Variants in SULT2A1 observed in about 807,000 individuals in gnomAD.
The protein encoded by SULT2A1 is sulfotransferase 2A1.
A neutral mutation model predicts 33.9 loss-of-function variants in SULT2A1; 43 were observed. The observed-to-expected ratio is 1.27, with a 90% CI of 1.00 to 1.64. SULT2A1 has a LOEUF of 1.64. Among genes scored for constraint, SULT2A1 ranks in the 40% most tolerant of loss-of-function variants. The pLI is 0.00. For synonymous variants in SULT2A1, 125 were observed against 113.6 expected, an observed-to-expected ratio of 1.10 and a Z score of -0.64; for missense variants, 300 against 335.1, an observed-to-expected ratio of 0.90 and a Z score of 0.82.
Position 47,870,999 on chromosome 19 carries a change from A to G in SULT2A1, c.*456T>C. 1 of 150,416 alleles carries G rather than the reference A, an allele frequency of 6.6e-6. No homozygotes were observed. Among genetic ancestry groups the G allele is most frequent in the Non-Finnish European group, 1.5e-5 (1 of 67,324 alleles). 9.3% of individuals were successfully genotyped at this position (150,416 alleles called of 1,614,324 possible). A position where few individuals can be genotyped will look rare whatever the true frequency, so the allele number is the denominator to read the frequency against. Reference sequence around the variant, plus strand: ...GCTGGGACTATAGGCGTGCACCACCATGCCCGGCTAATTTTTGTATTTTTA... The same window carrying G: ...GCTGGGACTATAGGCGTGCACCACCGTGCCCGGCTAATTTTTGTATTTTTA... On this transcript the variant is annotated 3_prime_UTR_variant, in exon 6 of 6. Transcript: ENST00000222002.
chr19:47,876,231 G>A (rs1190977035), intron 4 of SULT2A1, among the ~76,000 whole-genome samples: 1 of 152,050 alleles, frequency 6.6e-6, no homozygotes, highest in Non-Finnish European at 1.5e-5. Flanking sequence ...GGCCAAGCTG[G>A]GTTCCAACTC....
At chr19:47,878,610 AG>A (rs564361502) in intron 4 of SULT2A1, among the ~76,000 whole-genome samples, 110 of 145,272 alleles carry the variant, frequency 7.6e-4, no homozygotes, top group Admixed American at 2.3e-3. Flanking sequence ...TCCACCTCCC[AG>A]GTTCAAGCGA....
At chr19:47,876,622 T>C (rs1968546395) in intron 4 of SULT2A1, among the ~76,000 whole-genome samples, 1 of 151,810 alleles carries the variant, frequency 6.6e-6, no homozygotes, top group Non-Finnish European at 1.5e-5. Context: ...ATACAAAAAT[T>C]AGCCAGGTGT....
At position 47,886,277 on chromosome 19, in the gene SULT2A1, G is replaced by T; in HGVS notation, c.-20C>A. The T allele has an allele frequency of 6.2e-7, 1 of 1,613,256 alleles. No individual in the cohort carries two copies. ...CGACATGATGATGACCTCTTCCTGC[G>T]TGGTGTGAGGGTTTCAACTGTAGCC... On this transcript the variant is annotated 5_prime_UTR_variant, in exon 1 of 6. Transcript: ENST00000222002.
chr19:47,877,531 T>G (rs1046729697), intron 4 of SULT2A1, among the ~76,000 whole-genome samples: 5 of 151,372 alleles, frequency 3.3e-5, no homozygotes, highest in African/African-American at 1.2e-4. Flanking sequence ...TGAGACACCG[T>G]GCCCAGCCTT....
chr19:47,882,232 A>G, intron 2 of SULT2A1, 22 bp from the exon 3 acceptor site: 1 of 1,604,082 alleles, frequency 6.2e-7, no homozygotes, highest in South Asian at 1.1e-5. Flanking sequence ...AAACGGGAGA[A>G]TGAAAAATCA....
intron 3 of SULT2A1, 47 bp downstream of exon 3, chr19:47,882,037 G>T: frequency 6.2e-7 from 1 of 1,602,370 alleles, no homozygotes; most frequent in Non-Finnish European, 8.5e-7. Flanking sequence ...GTCAAAAGAG[G>T]TCGGCTAGAA....
intron 1 of SULT2A1, among the ~76,000 whole-genome samples, chr19:47,885,376 A>G (rs1227147107): frequency 2.0e-5 from 3 of 151,626 alleles, no homozygotes; most frequent in Non-Finnish European, 2.9e-5. Context: ...TTCATTTAGC[A>G]TAATGTCCTT....
At position 47,871,564 on chromosome 19, in the gene SULT2A1, A is replaced by G. The variant is rs758752472; in HGVS notation, c.749T>C (p.Val250Ala). The G allele has an allele frequency of 6.2e-7, 1 of 1,609,598 alleles. No homozygotes were observed. Among genetic ancestry groups the G allele is most frequent in the Admixed American group, 1.7e-5 (1 of 59,974 alleles). ...VDKAQLLRKG[V>A]SGDWKNHFTV... is the part of the protein sequence containing the mutation. ...GAAGTGATTTTTCCAGTCCCCAGAT[A>G]CACCTGGAAACAAGAAGCAGAAACT... The change falls in exon 6 of 6, where the codon GTA (valine) becomes GCA (alanine). Residue 250 changes from valine to alanine, a missense_variant. Val to Ala is a moderately conservative substitution (Grantham distance 64). Transcript: ENST00000222002.
At chr19:47,880,236 C>CA (rs1302864795) in intron 3 of SULT2A1, among the ~76,000 whole-genome samples, 11,072 of 48,302 alleles carry the variant, frequency 0.23, 1,963 homozygotes, top group Middle Eastern at 0.38. Context: ...GACTCTGTCT[C>CA]AAAAAAAAAA....
chr19:47,873,421 T>A (rs1390555425), intron 5 of SULT2A1, among the ~76,000 whole-genome samples: 1 of 152,036 alleles, frequency 6.6e-6, no homozygotes, highest in Non-Finnish European at 1.5e-5. Context: ...TCCACCCGCC[T>A]TGGCCTCCCA....
chr19:47,885,933 C>T (rs934934168), intron 1 of SULT2A1, among the ~76,000 whole-genome samples, 189 bp downstream of exon 1: 1 of 152,174 alleles, frequency 6.6e-6, no homozygotes, highest in Admixed American at 6.6e-5. Context: ...GATTACCCCT[C>T]TGAACACTCA....
Position 47,886,106 on chromosome 19 carries a change from G to T in SULT2A1, c.136+16C>A. 1.2e-6 allele frequency: 2 copies of T among 1,612,028 alleles called. No individual in the cohort carries two copies. Among genetic ancestry groups the T allele is most frequent in the South Asian group, 1.1e-5 (1 of 90,796 alleles). On this transcript the variant is annotated intron_variant, in intron 1 of 5. Transcript: ENST00000222002. Reference sequence around the variant, plus strand: ...ACAACCACAGCCTTTCTCAGTTCACGATTCTGCCTCCTTACCTGATTTGGG... The same window carrying T: ...ACAACCACAGCCTTTCTCAGTTCACTATTCTGCCTCCTTACCTGATTTGGG...
At chr19:47,874,865 G>A in intron 4 of SULT2A1, 31 bp from the exon 5 acceptor site, 2 of 1,596,772 alleles carry the variant, frequency 1.3e-6, no homozygotes, top group African/African-American at 1.3e-5. Flanking sequence ...GAGAGGATAC[G>A]AAAGAGAAAG....
chr19:47,878,996 G>A (rs753290848), intron 4 of SULT2A1, 40 bp downstream of exon 4: 4 of 1,222,218 alleles, frequency 3.3e-6, no homozygotes, highest in Non-Finnish European at 4.9e-6. Context: ...AAGGATGGTG[G>A]TGAGAGGGTG....
rs140689729 is a variant in SULT2A1, at chr19:47,886,158, C to T, written c.100G>A (p.Asp34Asn). ...RKVRDEFVIR[D>N]EDVIILTYPK... is the part of the protein sequence containing the mutation. ...TAAGTCAATATTATTACATCTTCAT[C>T]CCTTATCACGAACTCATCACGTACT... The change falls in exon 1 of 6, where the codon GAT becomes AAT. Residue 34 changes from aspartate (D) to asparagine (N), a missense_variant. Coordinates refer to ENST00000222002, the MANE Select transcript of SULT2A1 (RefSeq NM_003167.4). 25 of 1,614,004 alleles carry T rather than the reference C, an allele frequency of 1.5e-5. No individual in the cohort carries two copies. Among genetic ancestry groups the T allele is most frequent in the Non-Finnish European group, 2.1e-5 (25 of 1,180,020 alleles).
intron 5 of SULT2A1, among the ~76,000 whole-genome samples, chr19:47,872,683 G>A (rs190723740): frequency 1.3e-4 from 19 of 151,734 alleles, no homozygotes; most frequent in Non-Finnish European, 2.4e-4. Context: ...GACAGGTTCT[G>A]TGTATTTTCT....
Position 47,886,107 on chromosome 19 carries a change from A to G in SULT2A1, c.136+15T>C. On this transcript the variant is annotated intron_variant, in intron 1 of 5. Transcript: ENST00000222002. ...CAACCACAGCCTTTCTCAGTTCACG[A>G]TTCTGCCTCCTTACCTGATTTGGGG... 1.2e-6 allele frequency: 2 copies of G among 1,612,668 alleles called. No homozygotes were observed. Among genetic ancestry groups the G allele is most frequent in the Non-Finnish European group, 1.7e-6 (2 of 1,179,270 alleles).
At chr19:47,879,458 C>T (rs1968580595) in intron 3 of SULT2A1, among the ~76,000 whole-genome samples, 1 of 152,044 alleles carries the variant, frequency 6.6e-6, no homozygotes, top group Non-Finnish European at 1.5e-5. Flanking sequence ...AACTCACAAT[C>T]ATGGAGGAAG....
Sources: allele counts gnomAD v4.1 joint callset (sites outside exome capture counted in the v4.1 genomes callset), GRCh38; gene constraint gnomAD v4.1.1; transcripts MANE v1.5; gene names NCBI Gene and HGNC (gene_info 2026-07-23, HGNC 2026-07-21).